HDAC8: variants seen among roughly 807,000 people sequenced by gnomAD.
HDAC8 encodes the protein histone deacetylase 8, also known as histone deacetylase-like 1.
HDAC8 carries 1 observed loss-of-function variant against 32.2 expected under a neutral mutation model. That is an observed-to-expected ratio of 0.03 (90% CI 0.01 to 0.15). The LOEUF (loss-of-function observed/expected upper bound fraction) is 0.15, where lower values mean the gene tolerates loss of function less well. Among genes scored for constraint, HDAC8 ranks in the 10% least tolerant of loss-of-function variants. The pLI is 1.00. For missense variants in HDAC8, 117 were observed against 300.0 expected, an observed-to-expected ratio of 0.39 and a Z score of 4.51; for synonymous variants, 108 against 113.9, an observed-to-expected ratio of 0.95 and a Z score of 0.33.
At chrX:72,499,774 A>G (rs1569347860) in intron 4 of HDAC8, among the ~76,000 whole-genome samples, 1 of 111,772 alleles carries the variant, frequency 8.9e-6, no homozygotes, top group African/African-American at 3.3e-5. Flanking sequence ...AGCATAAGAC[A>G]AGCAAAATCA....
intron 5 of HDAC8, among the ~76,000 whole-genome samples, chrX:72,492,086 G>A (rs969934231): frequency 9.0e-6 from 1 of 111,461 alleles, no homozygotes; most frequent in Non-Finnish European, 1.9e-5. Context: ...CAAAAAGCAT[G>A]AAGTAAAAAA....
At chrX:72,334,844 TG>T (rs1309612350) in intron 10 of HDAC8, among the ~76,000 whole-genome samples, 1 of 111,786 alleles carries the variant, frequency 8.9e-6, no homozygotes, top group African/African-American at 3.3e-5. Flanking sequence ...ACTCTAGCTC[TG>T]ATGTACAAGA....
intron 4 of HDAC8, among the ~76,000 whole-genome samples, chrX:72,543,967 G>C (rs782236494): frequency 1.0e-3 from 114 of 112,711 alleles, no homozygotes; most frequent in African/African-American, 3.4e-3. Flanking sequence ...GGATCTTTAC[G>C]TTCTACACGT....
chrX:72,572,049 C>A lies in HDAC8; in HGVS notation c.164+8G>T. ...GCTTCAGGGCTATGTTCAAGAAAGA[C>A]AACTTACCTCATCTGCTTATGCAGT... On this transcript the variant is annotated splice_region_variant and intron_variant, in intron 2 of 10. Transcript: ENST00000373573. The A allele has an allele frequency of 8.4e-7, 1 of 1,186,051 alleles. No individual in the cohort carries two copies. The highest frequency in any genetic ancestry group is 1.8e-5 in the African/African-American group (1 of 55,776).
intron 9 of HDAC8, among the ~76,000 whole-genome samples, chrX:72,413,021 G>A (rs2046236284): frequency 1.8e-5 from 2 of 111,158 alleles, no homozygotes; most frequent in South Asian, 3.8e-4. Context: ...CGGGTACCTA[G>A]GTTTGATTTT....
chrX:72,398,109 G>C (rs2045808367), intron 9 of HDAC8, among the ~76,000 whole-genome samples: 2 of 111,999 alleles, frequency 1.8e-5, no homozygotes, highest in South Asian at 7.4e-4. Context: ...CTAACACTTA[G>C]TGTTGTTTAA....
intron 7 of HDAC8, among the ~76,000 whole-genome samples, chrX:72,470,751 T>C (rs1480244682): frequency 1.8e-5 from 2 of 111,670 alleles, no homozygotes; most frequent in Non-Finnish European, 3.8e-5. Flanking sequence ...TCAAACTTCT[T>C]AGAAGCAACT....
chrX:72,449,753 C>A (rs1327077449), intron 9 of HDAC8, among the ~76,000 whole-genome samples: 3 of 110,881 alleles, frequency 2.7e-5, no homozygotes, highest in Non-Finnish European at 5.7e-5. Context: ...ACAAGAAACT[C>A]ACTTCAAATG....
At chrX:72,411,260 G>A (rs2984280) in intron 9 of HDAC8, among the ~76,000 whole-genome samples, 9,051 of 110,023 alleles carry the variant, frequency 0.082, 924 homozygotes, top group African/African-American at 0.29. Context: ...TCTTGACCTC[G>A]TGATCCTCCC....
At chrX:72,430,485 G>A (rs1298241237) in intron 9 of HDAC8, among the ~76,000 whole-genome samples, 1 of 112,305 alleles carries the variant, frequency 8.9e-6, no homozygotes, top group Non-Finnish European at 1.9e-5. Context: ...TTCTTTCAGC[G>A]TTAGAAACTA....
intron 9 of HDAC8, among the ~76,000 whole-genome samples, chrX:72,361,802 A>G: frequency 9.0e-6 from 1 of 111,395 alleles, no homozygotes; most frequent in South Asian, 3.8e-4. Flanking sequence ...TTATAGCAAA[A>G]GCAGAGGAAT....
intron 2 of HDAC8, among the ~76,000 whole-genome samples, chrX:72,571,091 A>AT (rs1304301450): frequency 4.6e-5 from 5 of 109,056 alleles, no homozygotes; most frequent in Non-Finnish European, 9.6e-5. Context: ...CGCCCGGCTA[A>AT]TTTTTTGTAT....
rs1205579004 is a variant in HDAC8 at position 72,335,928 on chromosome X, T to TAACAAC, written c.1112-5858_1112-5853dup. ...TGTCTCTAAAAAAAAAAAAAAAAAT[T>TAACAAC]AACAACAACAACAACAACAACAACA... On this transcript the variant is annotated intron_variant, in intron 10 of 10. Transcript: ENST00000373573. Among the ~76,000 whole-genome samples the TAACAAC allele has an allele frequency of 6.3e-3, 647 of 103,510 alleles. 9 individuals are homozygous for TAACAAC. Among genetic ancestry groups the TAACAAC allele is most frequent in the African/African-American group, 0.022 (616 of 27,927 alleles). 89.9% of individuals were successfully genotyped at this position (103,510 alleles called of 115,157 possible). A position where few individuals can be genotyped will look rare whatever the true frequency, so the allele number is the denominator to read the frequency against.
chrX:72,410,901 G>C (rs2046172914), intron 9 of HDAC8, among the ~76,000 whole-genome samples: 2 of 111,438 alleles, frequency 1.8e-5, no homozygotes, highest in African/African-American at 3.3e-5. Flanking sequence ...GCTCCCACAT[G>C]ATGAGGCTCT....
chrX:72,361,463 C>T lies in HDAC8; in HGVS notation c.1006-9625G>A, dbSNP rs139723227. Among the ~76,000 whole-genome samples the T allele has an allele frequency of 1.8e-3, 201 of 111,251 alleles. 3 individuals are homozygous for T. The East Asian group carries it at 0.046, about 26-fold the overall frequency. On this transcript the variant is annotated intron_variant, in intron 9 of 10. Coordinates refer to ENST00000373573, the MANE Select transcript of HDAC8 (RefSeq NM_018486.3). The stretch of plus-strand genomic sequence containing the variant: ...GGTGTGCAGTGATGCAATCATAGCT[C>T]ACTGTAACTTGAGCACTAATTACAT...
At chrX:72,436,364 A>T (rs1196514718) in intron 9 of HDAC8, among the ~76,000 whole-genome samples, 5 of 112,019 alleles carry the variant, frequency 4.5e-5, no homozygotes, top group Non-Finnish European at 7.5e-5. Flanking sequence ...AATTTAAATG[A>T]CAGTGGATTT....
At chrX:72,373,054 C>A (rs2147801505) in intron 9 of HDAC8, among the ~76,000 whole-genome samples, 1 of 111,372 alleles carries the variant, frequency 9.0e-6, no homozygotes, top group African/African-American at 3.3e-5. Context: ...CTATACATAT[C>A]CCCAACATAT....
chrX:72,402,881 C>T (rs2045942543), intron 9 of HDAC8, among the ~76,000 whole-genome samples: 1 of 111,463 alleles, frequency 9.0e-6, no homozygotes, highest in Admixed American at 9.5e-5. Flanking sequence ...CAGATTGACC[C>T]TTTTACCATT....
At chrX:72,388,944 T>C (rs782467801) in intron 9 of HDAC8, among the ~76,000 whole-genome samples, 1 of 112,073 alleles carries the variant, frequency 8.9e-6, no homozygotes, top group Non-Finnish European at 1.9e-5. Flanking sequence ...AGAAAATAAA[T>C]TTCTGTTGTT....
Sources: gnomAD v4.1 joint callset for allele counts (sites outside exome capture counted in the v4.1 genomes callset) on GRCh38, gnomAD v4.1.1 for gene constraint, MANE v1.5 for transcripts, NCBI Gene and HGNC (gene_info 2026-07-23, HGNC 2026-07-21) for gene names.